Variants in ATP9A observed in about 807,000 individuals in gnomAD.
ATP9A encodes probable phospholipid-transporting ATPase IIA.
In ATP9A, 52 loss-of-function variants were observed where a neutral mutation model predicts 144.1. That is an observed-to-expected ratio of 0.36 (90% CI 0.29 to 0.45). The LOEUF (loss-of-function observed/expected upper bound fraction) is 0.45, where lower values mean the gene tolerates loss of function less well. Among genes scored for constraint, ATP9A ranks in the 20% least tolerant of loss-of-function variants. The probability of loss-of-function intolerance (pLI) is 1.00; values close to 1 mark genes in which losing one functional copy is unlikely to be tolerated. For missense variants in ATP9A, 947 were observed against 1,392.7 expected (o/e 0.68, Z 5.09); for synonymous variants, 582 against 557.4 (o/e 1.04, Z -0.62).
intron 15 of ATP9A, among the ~76,000 whole-genome samples, chr20:51,637,864 T>TCAGC (rs2077299416): frequency 6.6e-6 from 1 of 150,866 alleles, no homozygotes; most frequent in Non-Finnish European, 1.5e-5. Flanking sequence ...TCCCACCCTT[T>TCAGC]CAGCCCCCTG....
intron 26 of ATP9A, among the ~76,000 whole-genome samples, chr20:51,605,734 G>A (rs893613060): frequency 1.3e-5 from 2 of 151,878 alleles, no homozygotes; most frequent in Non-Finnish European, 2.9e-5. Context: ...CCACCATGGC[G>A]AAACCCTGTC....
rs182647561 is a variant in ATP9A at position 51,684,656 on chromosome 20, G to A, written c.799+4408C>T. The stretch of plus-strand genomic sequence containing the variant: ...GCTTGCAGTGAGCCGAGATCGCACC[G>A]CTGCACTCCAGCCTGGGTGAAACAG... On this transcript the variant is annotated intron_variant, in intron 9 of 27. Transcript: ENST00000338821. 6.7e-3 allele frequency among the ~76,000 whole-genome samples: 782 copies of A among 116,306 alleles called. 9 individuals are homozygous for A. The highest frequency in any genetic ancestry group is 0.024 in the African/African-American group (729 of 30,198). The allele number at this position is 116,306 out of a possible 152,430, so 76.3% of individuals were successfully genotyped here.
intron 11 of ATP9A, among the ~76,000 whole-genome samples, chr20:51,673,364 A>G (rs2077464189): frequency 6.6e-6 from 1 of 151,998 alleles, no homozygotes; most frequent in Non-Finnish European, 1.5e-5. Context: ...ACAGAGCAAG[A>G]CTCCATCTCA....
intron 13 of ATP9A, among the ~76,000 whole-genome samples, chr20:51,663,233 A>G (rs532551048): frequency 6.6e-6 from 1 of 152,326 alleles, no homozygotes; most frequent in East Asian, 1.9e-4. Context: ...CTCATTGAAA[A>G]GAAAACAGAG....
chr20:51,685,017 TAAAAAAA>T (rs11325921), intron 9 of ATP9A, among the ~76,000 whole-genome samples: 1 of 139,872 alleles, frequency 7.1e-6, no homozygotes, highest in Non-Finnish European at 1.6e-5. Flanking sequence ...TCTCCAAAAA[TAAAAAAA>T]AAAAAAAAAA....
chr20:51,641,068 A>T (rs1024383233), intron 14 of ATP9A, among the ~76,000 whole-genome samples: 6 of 152,064 alleles, frequency 3.9e-5, no homozygotes, highest in African/African-American at 7.2e-5. Context: ...CTAAAAAAAA[A>T]TTTTTTAATT....
intron 6 of ATP9A, among the ~76,000 whole-genome samples, chr20:51,695,000 T>C (rs2077564498): frequency 6.6e-6 from 1 of 152,220 alleles, no homozygotes; most frequent in South Asian, 2.1e-4. Flanking sequence ...TAGTGCCTTT[T>C]ATCTCCTGTC....
chr20:51,664,911 T>C (rs1407728952), intron 13 of ATP9A, among the ~76,000 whole-genome samples: 2 of 151,446 alleles, frequency 1.3e-5, no homozygotes, highest in Non-Finnish European at 2.9e-5. Context: ...TTTGTATTTT[T>C]AGTAGAGACG....
intron 2 of ATP9A, among the ~76,000 whole-genome samples, chr20:51,728,215 T>C (rs148277697): frequency 1.3e-3 from 193 of 152,028 alleles, no homozygotes; most frequent in African/African-American, 4.5e-3. Flanking sequence ...AATGGAGGAG[T>C]GTGGCCCAGT....
intron 3 of ATP9A, among the ~76,000 whole-genome samples, chr20:51,725,045 A>T (rs2077706380): frequency 6.6e-6 from 1 of 152,192 alleles, no homozygotes; most frequent in African/African-American, 2.4e-5. Flanking sequence ...AAAATGCTCC[A>T]GTGAGCATTT....
At chr20:51,691,206 C>T (rs2077547137) in intron 7 of ATP9A, among the ~76,000 whole-genome samples, 1 of 152,164 alleles carries the variant, frequency 6.6e-6, no homozygotes, top group Non-Finnish European at 1.5e-5. Context: ...GTGGCTCATG[C>T]CTGTAATCCC....
At chr20:51,656,315 G>A (rs1332195975) in intron 14 of ATP9A, among the ~76,000 whole-genome samples, 1 of 152,172 alleles carries the variant, frequency 6.6e-6, no homozygotes, top group African/African-American at 2.4e-5. Context: ...ACTGTGGGAG[G>A]CCAAGGCCAG....
At chr20:51,762,851 A>G (rs892693736) in intron 1 of ATP9A, among the ~76,000 whole-genome samples, 2 of 151,648 alleles carry the variant, frequency 1.3e-5, no homozygotes, top group African/African-American at 4.8e-5. Context: ...CAAGGACCAC[A>G]GGCTCAAGCC....
intron 9 of ATP9A, among the ~76,000 whole-genome samples, chr20:51,681,641 C>T (rs552484407): frequency 2.0e-5 from 3 of 152,220 alleles, no homozygotes; most frequent in Admixed American, 1.3e-4. Flanking sequence ...AAGCTGGTCT[C>T]GAACTCCTGA....
At chr20:51,720,962 G>A (rs952332340) in intron 3 of ATP9A, among the ~76,000 whole-genome samples, 7 of 152,220 alleles carry the variant, frequency 4.6e-5, no homozygotes, top group Non-Finnish European at 2.9e-5. Flanking sequence ...CAGAGGGGAA[G>A]GGATGCTTGG....
chr20:51,705,739 C>CA (rs748761854), intron 4 of ATP9A, among the ~76,000 whole-genome samples: 2 of 152,212 alleles, frequency 1.3e-5, no homozygotes, highest in Non-Finnish European at 2.9e-5. Flanking sequence ...GGCAACCCCC[C>CA]ACCCCCATTA....
At chr20:51,735,508 T>C (rs2077759484) in intron 1 of ATP9A, among the ~76,000 whole-genome samples, 1 of 152,240 alleles carries the variant, frequency 6.6e-6, no homozygotes, top group Non-Finnish European at 1.5e-5. Flanking sequence ...AGAGTAAGCA[T>C]TATTTTATTA....
chr20:51,744,903 G>C (rs2077801043), intron 1 of ATP9A, among the ~76,000 whole-genome samples: 1 of 152,210 alleles, frequency 6.6e-6, no homozygotes, highest in Admixed American at 6.5e-5. Context: ...GCCGAGGCGG[G>C]AGAATCACTT....
intron 15 of ATP9A, among the ~76,000 whole-genome samples, chr20:51,634,783 A>C (rs1387449750): frequency 7.1e-6 from 1 of 141,104 alleles, no homozygotes; most frequent in Non-Finnish European, 1.5e-5. Flanking sequence ...TGGACCCCGG[A>C]GGCGAAGGTT....
Sources: allele counts gnomAD v4.1 joint callset (sites outside exome capture counted in the v4.1 genomes callset), GRCh38; gene constraint gnomAD v4.1.1; transcripts MANE v1.5; gene names NCBI Gene and HGNC (gene_info 2026-07-23, HGNC 2026-07-21).